Variants in BLTP3B observed in about 807,000 individuals in gnomAD.
BLTP3B encodes the protein bridge-like lipid transfer protein family member 3B.
the BLTP3B span, among the ~76,000 whole-genome samples, chr12:100,138,866 TACACACACAC>T: frequency 3.9e-4 from 58 of 150,598 alleles, no homozygotes; most frequent in Admixed American, 6.6e-5. Context: ...CACATACACA[TACACACACAC>T]ACACACACAC....
At chr12:100,137,695 G>C in the BLTP3B span, among the ~76,000 whole-genome samples, 1 of 152,078 alleles carries the variant, frequency 6.6e-6, no homozygotes, top group Non-Finnish European at 1.5e-5. Context: ...CTAAACCCTA[G>C]ACTTCAAAAA....
the BLTP3B span, among the ~76,000 whole-genome samples, chr12:100,054,603 G>A: frequency 2.0e-5 from 3 of 149,844 alleles, no homozygotes; most frequent in Non-Finnish European, 2.9e-5. Context: ...AAGGGGGCAC[G>A]GGGGAACTAG....
At chr12:100,118,056 T>C in the BLTP3B span, among the ~76,000 whole-genome samples, 43 of 152,096 alleles carry the variant, frequency 2.8e-4, no homozygotes, top group African/African-American at 9.7e-4. Flanking sequence ...ACAGTTGAAA[T>C]TGGCATTTCT....
At chr12:100,092,822 T>G in the BLTP3B span, 1 of 839,292 alleles carries the variant, frequency 1.2e-6, no homozygotes, top group Non-Finnish European at 1.4e-6. Context: ...ATAGTATTTA[T>G]GTCTATGATG....
the BLTP3B span, among the ~76,000 whole-genome samples, chr12:100,139,863 A>T: frequency 6.6e-6 from 1 of 152,246 alleles, no homozygotes; most frequent in Non-Finnish European, 1.5e-5. Flanking sequence ...GGAGAAAAAT[A>T]ATGCAAGCAA....
chr12:100,082,547 T>G, the BLTP3B span, among the ~76,000 whole-genome samples: 1 of 152,240 alleles, frequency 6.6e-6, no homozygotes, highest in Non-Finnish European at 1.5e-5. Flanking sequence ...GTCTTTCATT[T>G]CATCTTGAGT....
chr12:100,139,435 T>C, the BLTP3B span, among the ~76,000 whole-genome samples: 1 of 152,192 alleles, frequency 6.6e-6, no homozygotes, highest in African/African-American at 2.4e-5. Flanking sequence ...TCTTCCTCCT[T>C]ACTGGCAGAA....
At chr12:100,069,850 C>T in the BLTP3B span, 1 of 660,260 alleles carries the variant, frequency 1.5e-6, no homozygotes, top group Non-Finnish European at 1.9e-6. Context: ...TCCCCAATAA[C>T]CTATGGAAAT....
chr12:100,069,151 A>T, the BLTP3B span, among the ~76,000 whole-genome samples: 2 of 152,112 alleles, frequency 1.3e-5, no homozygotes, highest in African/African-American at 4.8e-5. Flanking sequence ...AGTGGAGGTT[A>T]CAGTGAGCCT....
chr12:100,137,979 A>T, the BLTP3B span, among the ~76,000 whole-genome samples: 1 of 152,174 alleles, frequency 6.6e-6, no homozygotes, highest in Non-Finnish European at 1.5e-5. Flanking sequence ...GGGATTCTGA[A>T]ACCTGACAGG....
chr12:100,118,065 C>A, the BLTP3B span, among the ~76,000 whole-genome samples: 2 of 151,798 alleles, frequency 1.3e-5, no homozygotes, highest in African/African-American at 4.8e-5. Flanking sequence ...ATTGGCATTT[C>A]TCTTGGTCCC....
At chr12:100,043,960 G>A in the BLTP3B span, among the ~76,000 whole-genome samples, 8 of 152,078 alleles carry the variant, frequency 5.3e-5, no homozygotes, top group Non-Finnish European at 7.4e-5. Context: ...CTGCTTCCCA[G>A]GGAAGAAGGT....
chr12:100,102,721 A>G, the BLTP3B span: 1 of 999,894 alleles, frequency 1.0e-6, no homozygotes. Context: ...TTTTTTTTTA[A>G]TGTCCTGTTA....
chr12:100,065,504 T>C, the BLTP3B span, among the ~76,000 whole-genome samples: 5 of 152,114 alleles, frequency 3.3e-5, no homozygotes, highest in South Asian at 2.1e-4. Flanking sequence ...GGGAAAGGAA[T>C]TGCATTCCTG....
At chr12:100,127,508 G>A in the BLTP3B span, among the ~76,000 whole-genome samples, 1 of 152,200 alleles carries the variant, frequency 6.6e-6, no homozygotes, top group Admixed American at 6.5e-5. Flanking sequence ...ACTTTTGGAA[G>A]TTCAAAGTAT....
At chr12:100,142,090 A>T in the BLTP3B span, among the ~76,000 whole-genome samples, 1 of 152,336 alleles carries the variant, frequency 6.6e-6, no homozygotes, top group South Asian at 2.1e-4. Flanking sequence ...GGAGGAATTC[A>T]GAACAATCAC....
At chr12:100,046,733 A>G in the BLTP3B span, among the ~76,000 whole-genome samples, 1 of 152,174 alleles carries the variant, frequency 6.6e-6, no homozygotes, top group Admixed American at 6.5e-5. Flanking sequence ...AATAATAATA[A>G]TAAAAAGGAA....
the BLTP3B span, chr12:100,057,466 A>G: frequency 1.3e-6 from 1 of 774,836 alleles, no homozygotes; most frequent in Admixed American, 3.8e-5. Flanking sequence ...GTAACTTTAA[A>G]AAGCATGGGT....
the BLTP3B span, chr12:100,072,573 A>G: frequency 1.9e-6 from 2 of 1,029,350 alleles, no homozygotes; most frequent in South Asian, 2.0e-5. Context: ...GGAACAATAC[A>G]GTTTTATTTA....
Sources: gnomAD v4.1 joint callset for allele counts (sites outside exome capture counted in the v4.1 genomes callset) on GRCh38, gnomAD v4.1.1 for gene constraint, MANE v1.5 for transcripts, NCBI Gene and HGNC (gene_info 2026-07-23, HGNC 2026-07-21) for gene names.